NLRP8: variants seen among roughly 807,000 people sequenced by gnomAD.
NLRP8 encodes NACHT, LRR and PYD domains-containing protein 8.
A neutral mutation model predicts 88.7 loss-of-function variants in NLRP8; 86 were observed. That is an observed-to-expected ratio of 0.97 (90% confidence interval 0.81 to 1.16). The LOEUF is 1.16. NLRP8 is among the 50% of genes most tolerant of loss of function. NLRP8 has a pLI of 0.00. For synonymous variants in NLRP8, 504 were observed against 494.6 expected (o/e 1.02, Z -0.25); for missense variants, 1,342 against 1,286.5 (o/e 1.04, Z -0.66).
chr19:55,976,877 G>A (rs1338517551), intron 8 of NLRP8, among the ~76,000 whole-genome samples: 2 of 149,954 alleles, frequency 1.3e-5, no homozygotes, highest in African/African-American at 2.4e-5. Context: ...TCAGGAGATC[G>A]AGACTATCCT....
rs1261506288 is a variant in NLRP8, at chr19:55,955,566, ATGTCTT to A, written c.1510_1515del (p.Val504_Phe505del). ...AGAATTGCAGGTGAGGAAGACCACT[ATGTCTT>A]TACCCTCGTGACTTTTCAGGAATTT... On this transcript the variant is annotated inframe_deletion, in exon 3 of 10. Coordinates refer to ENST00000291971, the MANE Select transcript of NLRP8 (RefSeq NM_176811.2). 1.9e-6 allele frequency: 3 copies of A among 1,613,958 alleles called. No individual in the cohort carries two copies. The highest frequency in any genetic ancestry group is 2.5e-6 in the Non-Finnish European group (3 of 1,180,024).
Position 55,987,901 on chromosome 19 carries a change from G to C in NLRP8, c.3135G>C (p.Gln1045His). The stretch of plus-strand genomic sequence containing the variant: ...CGGGAAAAAGTGACTGCCTATCCCA[G>C]ATTAATCCTTAGGCCGTCCAGTCAT... Residue 1045 changes from glutamine to histidine, a missense_variant, in exon 10 of 10, where the codon CAG (glutamine) becomes CAC (histidine). By Grantham distance (24) the Gln-to-His change is conservative. Transcript: ENST00000291971. 1 of 1,613,144 alleles carries C rather than the reference G, an allele frequency of 6.2e-7. No individual in the cohort carries two copies. The highest frequency in any genetic ancestry group is 2.2e-5 in the East Asian group (1 of 44,864).
In NLRP8 at chr19:55,956,099, G is replaced by A. The variant is rs142676372; in HGVS notation, c.2041G>A (p.Glu681Lys). ...CAGCTCCAGCTCCCATCCTGGCTCTGAGTAAGTGCTTCGGTCCCTCCTTGG... is the reference window on the plus strand; with the variant it reads ...CAGCTCCAGCTCCCATCCTGGCTCTAAGTAAGTGCTTCGGTCCCTCCTTGG... Residue 681 changes from glutamate (E) to lysine (K), a missense_variant and splice_region_variant, in exon 3 of 10, where the codon GAA becomes AAA. Physicochemically the swap from Glu to Lys is moderately conservative, Grantham distance 56. Coordinates refer to ENST00000291971, the MANE Select transcript of NLRP8 (RefSeq NM_176811.2). 5.7e-5 allele frequency: 91 copies of A among 1,609,878 alleles called. No individual in the cohort carries two copies. Among genetic ancestry groups the A allele is most frequent in the Non-Finnish European group, 7.1e-5 (84 of 1,177,518 alleles).
intron 7 of NLRP8, 108 bp downstream of exon 7, chr19:55,973,930 C>CA: frequency 1.8e-6 from 2 of 1,089,096 alleles, no homozygotes; most frequent in Non-Finnish European, 1.3e-6. Context: ...GTGCCTACTG[C>CA]GTGTTAGGCA....
In NLRP8 at chr19:55,986,506, ACACT is replaced by A. The variant is rs1447566617; in HGVS notation, c.3048-1307_3048-1304del. On this transcript the variant is annotated intron_variant, in intron 9 of 9. Coordinates refer to ENST00000291971, the MANE Select transcript of NLRP8 (RefSeq NM_176811.2). ...CACACACACACACACACACACACAC[ACACT>A]AATTGCTTCAGGACAGCCAGCTGAA... 3.8e-3 allele frequency among the ~76,000 whole-genome samples: 568 copies of A among 151,078 alleles called. 3 individuals are homozygous for A. The highest frequency in any genetic ancestry group is 0.028 in the East Asian group (142 of 5,136).
chr19:55,966,811 G>A (rs771065335), intron 5 of NLRP8, among the ~76,000 whole-genome samples: 6 of 152,080 alleles, frequency 3.9e-5, no homozygotes, highest in Non-Finnish European at 8.8e-5. Context: ...GGGCGACTCT[G>A]TCTAAAAACA....
In NLRP8 at chr19:55,976,269, C is replaced by T. The variant is rs771597026; in HGVS notation, c.2842C>T (p.Leu948=). Residue 948 remains leucine (L), a synonymous_variant, in exon 8 of 10, where the codon CTG becomes TTG. Transcript: ENST00000291971. ...TGGGGTGATCCTGCTGTGTGAGGCCCTGAAGAACCCTGACTGTACATTACA... is the reference window on the plus strand; with the variant it reads ...TGGGGTGATCCTGCTGTGTGAGGCCTTGAAGAACCCTGACTGTACATTACA... 9.9e-6 allele frequency: 16 copies of T among 1,612,210 alleles called. No individual in the cohort carries two copies. In the East Asian group the frequency reaches 3.3e-4, roughly 34 times the overall value.
At chr19:55,984,483 C>T (rs113987697) in intron 9 of NLRP8, among the ~76,000 whole-genome samples, 7 of 148,240 alleles carry the variant, frequency 4.7e-5, no homozygotes, top group Admixed American at 1.4e-4. Context: ...GGAGAAACCC[C>T]GTCTCTACTA....
chr19:55,983,261 C>T (rs771859392), intron 9 of NLRP8, among the ~76,000 whole-genome samples: 18 of 151,908 alleles, frequency 1.2e-4, no homozygotes, highest in African/African-American at 3.1e-4. Flanking sequence ...GTCAGGAGTT[C>T]GAGACCAGCA....
chr19:55,973,996 T>C (rs954663995), intron 7 of NLRP8, among the ~76,000 whole-genome samples, 174 bp downstream of exon 7: 2 of 152,168 alleles, frequency 1.3e-5, no homozygotes, highest in Non-Finnish European at 2.9e-5. Flanking sequence ...TATTTCTGAT[T>C]CAGGGACAAG....
chr19:55,984,655 C>CAAA (rs149144840), intron 9 of NLRP8, among the ~76,000 whole-genome samples: 4 of 51,414 alleles, frequency 7.8e-5, no homozygotes, highest in East Asian at 6.8e-4. Flanking sequence ...ACACTGTCTC[C>CAAA]AAAAAAAAAA....
At chr19:55,975,159 T>C (rs1374711589) in intron 7 of NLRP8, among the ~76,000 whole-genome samples, 1 of 152,184 alleles carries the variant, frequency 6.6e-6, no homozygotes, top group African/African-American at 2.4e-5. Context: ...TCTTTATTTC[T>C]TGTCTCACAT....
At position 55,954,655 on chromosome 19, in the gene NLRP8, G is replaced by A; in HGVS notation, c.597G>A (p.Gln199=). Reference sequence around the variant, plus strand: ...GTCTGCTTCTGCCCAAAAGACCCCAGGGTAGACAGCCCAAGACCGTGGCCA... The same window carrying A: ...GTCTGCTTCTGCCCAAAAGACCCCAAGGTAGACAGCCCAAGACCGTGGCCA... The change falls in exon 3 of 10, where the codon CAG becomes CAA. Residue 199 remains glutamine, a synonymous_variant. Transcript: ENST00000291971. The A allele has an allele frequency of 6.2e-7, 1 of 1,614,172 alleles. No individual in the cohort carries two copies. Among genetic ancestry groups the A allele is most frequent in the Non-Finnish European group, 8.5e-7 (1 of 1,180,034 alleles).
At chr19:55,952,311 C>T (rs1979130532) in intron 1 of NLRP8, among the ~76,000 whole-genome samples, 1 of 152,090 alleles carries the variant, frequency 6.6e-6, no homozygotes, top group Non-Finnish European at 1.5e-5. Context: ...TGTTTTTGAA[C>T]ACCTTACTCA....
rs1468663387 is a variant in NLRP8, at chr19:55,966,323, C to T, written c.2324C>T (p.Ala775Val). 6.2e-7 allele frequency: 1 copy of T among 1,613,968 alleles called. No homozygotes were observed. The highest frequency in any genetic ancestry group is 8.5e-7 in the Non-Finnish European group (1 of 1,179,962). Residue 775 changes from alanine (A) to valine (V), a missense_variant, in exon 5 of 10, where the codon GCT becomes GTT. By Grantham distance (64) the Ala-to-Val change is moderately conservative. Coordinates refer to ENST00000291971, the MANE Select transcript of NLRP8 (RefSeq NM_176811.2). ...CAACATGTGGAAGTGGAGTCCAAAG[C>T]TGTGAAGCTTCTATGCAGGGTGCTG...
chr19:55,971,665 ACG>A (rs907240359), intron 6 of NLRP8, among the ~76,000 whole-genome samples: 4 of 113,152 alleles, frequency 3.5e-5, no homozygotes, highest in African/African-American at 1.8e-4. Flanking sequence ...ACACACACAC[ACG>A]CACACACACA....
chr19:55,964,505 G>A (rs187019990), intron 4 of NLRP8, among the ~76,000 whole-genome samples: 27 of 152,232 alleles, frequency 1.8e-4, no homozygotes, highest in Admixed American at 1.6e-3. Context: ...TAATCCCAGC[G>A]CTTTGGGAAG....
At chr19:55,973,931 GTGT>G in intron 7 of NLRP8, 109 bp downstream of exon 7, 3 of 1,093,820 alleles carry the variant, frequency 2.7e-6, no homozygotes, top group Non-Finnish European at 2.6e-6. Flanking sequence ...TGCCTACTGC[GTGT>G]TAGGCATGGT....
At chr19:55,948,929 G>T (rs1978973557) in intron 1 of NLRP8, among the ~76,000 whole-genome samples, 1 of 152,160 alleles carries the variant, frequency 6.6e-6, no homozygotes, top group African/African-American at 2.4e-5. Context: ...CACTTTAAAA[G>T]GCCATTTCGC....
Sources: gnomAD v4.1 joint callset for allele counts (sites outside exome capture counted in the v4.1 genomes callset) on GRCh38, gnomAD v4.1.1 for gene constraint, MANE v1.5 for transcripts, NCBI Gene and HGNC (gene_info 2026-07-23, HGNC 2026-07-21) for gene names.